The following PKHD1L1 variants were observed in gnomAD, a reference collection of about 807,000 sequenced individuals.
PKHD1L1 encodes fibrocystin-L.
In PKHD1L1, 434 loss-of-function variants were observed where a neutral mutation model predicts 462.9. The ratio of observed to expected loss-of-function variants is 0.94; its 90% CI spans 0.87 to 1.02. The LOEUF (loss-of-function observed/expected upper bound fraction) is 1.02, where lower values mean the gene tolerates loss of function less well. PKHD1L1 is among the 50% of genes least tolerant of loss of function. The pLI is 0.00. For synonymous variants in PKHD1L1, 1,781 were observed against 1,750.0 expected, an observed-to-expected ratio of 1.02 and a Z score of -0.44; for missense variants, 5,202 against 5,096.1, an observed-to-expected ratio of 1.02 and a Z score of -0.63.
chr8:109,365,279 T>C (rs970186462), intron 2 of PKHD1L1, among the ~76,000 whole-genome samples: 5 of 152,216 alleles, frequency 3.3e-5, no homozygotes, highest in South Asian at 2.1e-4. Flanking sequence ...ATTCAGATAC[T>C]TAGGAATTTT....
At chr8:109,416,108 C>T (rs1387865102) in intron 21 of PKHD1L1, among the ~76,000 whole-genome samples, 1 of 151,982 alleles carries the variant, frequency 6.6e-6, no homozygotes, top group South Asian at 2.1e-4. Context: ...AGTCCACAGT[C>T]CAACAGGTGT....
chr8:109,432,720 CA>C (rs1476500032), intron 27 of PKHD1L1, among the ~76,000 whole-genome samples: 5 of 152,278 alleles, frequency 3.3e-5, no homozygotes, highest in African/African-American at 1.2e-4. Context: ...CCACTAATTG[CA>C]TGGTTTATCC....
intron 46 of PKHD1L1, among the ~76,000 whole-genome samples, chr8:109,458,412 A>T (rs1359371921): frequency 9.0e-6 from 1 of 111,516 alleles, no homozygotes; most frequent in Non-Finnish European, 2.0e-5. Flanking sequence ...TGTTCAATCA[A>T]TCAAAACCGT....
rs779031218 is a variant in PKHD1L1 at position 109,452,799 on chromosome 8, C to T, written c.6589C>T (p.Leu2197Phe). The change falls in exon 43 of 78, where the codon CTT becomes TTT. Residue 2197 changes from leucine to phenylalanine, a missense_variant. This residue lies in a region of PKHD1L1 where 4,497 missense variants were observed against 4,336.8 expected (regional missense o/e 1.04). Transcript: ENST00000378402. ...GGKSPPEEGS[L>F]VVITKGQTIL... is the part of the protein sequence containing the mutation. ...AAAATCTCCCCCAGAAGAAGGATCT[C>T]TTGTTGTTATTACAAAAGGACAGAC... 2 of 1,535,656 alleles carry T rather than the reference C, an allele frequency of 1.3e-6. No homozygotes were observed. The highest frequency in any genetic ancestry group is 2.6e-5 in the South Asian group (2 of 77,464).
Position 109,394,425 on chromosome 8 carries a change from C to A in PKHD1L1, c.751C>A (p.Gln251Lys). ...ATCTTTTTTTAACAGGAGTTTTCCA[C>A]AGAAAATGGCATATTTTGTTTCTTC... ...LDNDYGRSFP[Q>K]KMAYFVSSLN... Residue 251 changes from glutamine (Q) to lysine (K), a missense_variant, in exon 10 of 78, where the codon CAG becomes AAG. Coordinates refer to ENST00000378402, the MANE Select transcript of PKHD1L1 (RefSeq NM_177531.6). 1 of 1,503,646 alleles carries A rather than the reference C, an allele frequency of 6.7e-7. No individual in the cohort carries two copies. 93.1% of individuals were successfully genotyped at this position (1,503,646 alleles called of 1,614,324 possible). A position where few individuals can be genotyped will look rare whatever the true frequency, so the allele number is the denominator to read the frequency against.
chr8:109,459,571 ATTT>A, intron 46 of PKHD1L1, 21 bp from the exon 47 acceptor site: 1 of 1,331,894 alleles, frequency 7.5e-7, no homozygotes. Flanking sequence ...TAATTTTAAA[ATTT>A]TTTTGTCAAA....
In PKHD1L1 at chr8:109,448,131, T is replaced by G; in HGVS notation, c.5777-12T>G. 2 of 1,579,320 alleles carry G rather than the reference T, an allele frequency of 1.3e-6. No individual in the cohort carries two copies. Among genetic ancestry groups the G allele is most frequent in the East Asian group, 4.6e-5 (2 of 43,752 alleles). The stretch of plus-strand genomic sequence containing the variant: ...AGATATATTTATATTGTGTGCTTTT[T>G]TTTTTTTTAAGGTCCACCAGGAACT... On this transcript the variant is annotated splice_polypyrimidine_tract_variant and intron_variant, in intron 38 of 77. Transcript: ENST00000378402.
intron 4 of PKHD1L1, among the ~76,000 whole-genome samples, chr8:109,383,184 A>T (rs1170310896): frequency 5.7e-5 from 6 of 105,804 alleles, no homozygotes; most frequent in African/African-American, 1.1e-4. Context: ...AATAATATAT[A>T]TAATTATATA....
chr8:109,465,077 C>T lies in PKHD1L1; in HGVS notation c.8245C>T (p.Pro2749Ser), dbSNP rs752164967. The T allele has an allele frequency of 6.2e-7, 1 of 1,613,796 alleles. No individual in the cohort carries two copies. The highest frequency in any genetic ancestry group is 8.5e-7 in the Non-Finnish European group (1 of 1,179,782). ...SSVHFMNFDR[P>S]NCVALGVTSI... ...TGTGCACTTTATGAACTTTGACCGT[C>T]CCAACTGTGTAGCTTTGGGAGTGAC... The change falls in exon 49 of 78, where the codon CCC becomes TCC. Residue 2749 changes from proline (P) to serine (S), a missense_variant. Physicochemically the swap from Pro to Ser is moderately conservative, Grantham distance 74. This residue lies in a region of PKHD1L1 where 4,497 missense variants were observed against 4,336.8 expected (regional missense o/e 1.04). Coordinates refer to ENST00000378402, the MANE Select transcript of PKHD1L1 (RefSeq NM_177531.6).
Position 109,466,671 on chromosome 8 carries a change from C to G in PKHD1L1, c.8507C>G (p.Ser2836Ter). The G allele has an allele frequency of 6.2e-7, 1 of 1,611,834 alleles. No individual in the cohort carries two copies. The highest frequency in any genetic ancestry group is 1.7e-5 in the Admixed American group (1 of 59,740). Reference sequence around the variant, plus strand: ...GAGTGGAGCATTGGGTTCCCTGGATCAGTCTGTGATGCTTCAGTCAGCTTT... The same window carrying G: ...GAGTGGAGCATTGGGTTCCCTGGATGAGTCTGTGATGCTTCAGTCAGCTTT... ...EAEWSIGFPG[S>*]VCDASVSFHR... Residue 2836 changes from serine (S) to a stop codon, truncating the protein, a stop_gained, in exon 50 of 78, where the codon TCA (serine) becomes TGA (stop). Coordinates refer to ENST00000378402, the MANE Select transcript of PKHD1L1 (RefSeq NM_177531.6). LOFTEE classifies it high-confidence loss of function.
chr8:109,427,490 A>G (rs1814827411), intron 25 of PKHD1L1, among the ~76,000 whole-genome samples: 1 of 152,126 alleles, frequency 6.6e-6, no homozygotes, highest in Admixed American at 6.5e-5. Context: ...GATGTATGCT[A>G]AGGGGGTCCC....
chr8:109,496,801 A>G (rs1019741441), intron 63 of PKHD1L1, 118 bp from the exon 64 acceptor site: 8 of 1,072,028 alleles, frequency 7.5e-6, no homozygotes, highest in Non-Finnish European at 1.1e-5. Context: ...TAAACCTGAT[A>G]TCAGAATTAT....
At chr8:109,471,214 G>A (rs1817697971) in intron 50 of PKHD1L1, 1 of 737,012 alleles carries the variant, frequency 1.4e-6, no homozygotes, top group Non-Finnish European at 2.1e-6. Context: ...GAATCAGATG[G>A]TGTCATTTAG....
rs554360098 is a variant in PKHD1L1, at chr8:109,533,848, C to A, written c.*3758C>A. 2.6e-5 allele frequency among the ~76,000 whole-genome samples: 4 copies of A among 152,204 alleles called. No individual in the cohort carries two copies. The East Asian group carries it at 7.7e-4, about 29-fold the overall frequency. The stretch of plus-strand genomic sequence containing the variant: ...GGTAAGAAAAGACTAAGATGGTGGA[C>A]AATTTTATGGCTTTTACAATGTCCT... On this transcript the variant is annotated 3_prime_UTR_variant, in exon 78 of 78. Transcript: ENST00000378402.
intron 3 of PKHD1L1, among the ~76,000 whole-genome samples, chr8:109,382,052 G>T (rs1410078218): frequency 6.6e-6 from 1 of 152,074 alleles, no homozygotes; most frequent in East Asian, 1.9e-4. Context: ...TTTATCTTAG[G>T]CCTGTCGGCT....
intron 36 of PKHD1L1, among the ~76,000 whole-genome samples, chr8:109,443,411 G>A (rs1815927292): frequency 6.6e-6 from 1 of 152,126 alleles, no homozygotes; most frequent in African/African-American, 2.4e-5. Context: ...GTAAGATGAC[G>A]TTGTTATTTT....
chr8:109,467,809 T>A (rs1423739939), intron 50 of PKHD1L1, among the ~76,000 whole-genome samples: 2 of 152,174 alleles, frequency 1.3e-5, no homozygotes, highest in Non-Finnish European at 2.9e-5. Flanking sequence ...AAATATGGTT[T>A]TTTACATTTT....
chr8:109,445,043 A>T lies in PKHD1L1; in HGVS notation c.5174A>T (p.Asp1725Val), dbSNP rs1563550865. ...GCTGCCCAACAGCTTGTGGATGTAG[A>T]TCTTCTAATACATGGAGTGCCTGCC... The part of the protein sequence containing the change: ...SPAAQQLVDV[D>V]LLIHGVPAQC... The change falls in exon 38 of 78, where the codon GAT becomes GTT. Residue 1725 changes from aspartate to valine, a missense_variant. This residue lies in a region of PKHD1L1 where 4,497 missense variants were observed against 4,336.8 expected (regional missense o/e 1.04). Coordinates refer to ENST00000378402, the MANE Select transcript of PKHD1L1 (RefSeq NM_177531.6). 1.9e-6 allele frequency: 3 copies of T among 1,613,992 alleles called. No individual in the cohort carries two copies. Among genetic ancestry groups the T allele is most frequent in the Admixed American group, 3.3e-5 (2 of 60,012 alleles).
Position 109,507,779 on chromosome 8 carries a change from A to T in PKHD1L1, c.11111A>T (p.Glu3704Val), listed in dbSNP as rs747712164. The T allele has an allele frequency of 2.5e-6, 4 of 1,613,424 alleles. No homozygotes were observed. The change falls in exon 69 of 78, where the codon GAA (glutamate) becomes GTA (valine). Residue 3704 changes from glutamate to valine, a missense_variant. Glu to Val is a moderately radical substitution (Grantham distance 121). Coordinates refer to ENST00000378402, the MANE Select transcript of PKHD1L1 (RefSeq NM_177531.6). ...GNAGSVIPQA[E>V]YEWDGNSQVG... Reference sequence around the variant, plus strand: ...GCTGGTTCTGTGATACCTCAAGCAGAATATGAATGGGACGGAAACAGCCAA... The same window carrying T: ...GCTGGTTCTGTGATACCTCAAGCAGTATATGAATGGGACGGAAACAGCCAA...
Sources: gnomAD v4.1 joint callset for allele counts (sites outside exome capture counted in the v4.1 genomes callset) on GRCh38, gnomAD v4.1.1 for gene constraint, gnomAD v4.1.1 regional missense constraint, MANE v1.5 for transcripts, NCBI Gene and HGNC (gene_info 2026-07-23, HGNC 2026-07-21) for gene names.